The following IARS2 variants were observed in gnomAD, a reference collection of about 807,000 sequenced individuals.
The protein encoded by IARS2 is isoleucyl-tRNA synthetase 2, mitochondrial, also known as isoleucine--tRNA ligase, mitochondrial.
In IARS2, 56 loss-of-function variants were observed where a neutral mutation model predicts 126.3. The observed-to-expected ratio is 0.44, with a 90% CI of 0.36 to 0.55. The LOEUF is 0.55. Among genes scored for constraint, IARS2 ranks in the 20% least tolerant of loss-of-function variants. The probability of loss-of-function intolerance (pLI) is 0.00; values close to 1 mark genes in which losing one functional copy is unlikely to be tolerated. For synonymous variants in IARS2, 407 were observed against 441.1 expected, an observed-to-expected ratio of 0.92 and a Z score of 0.97; for missense variants, 1,127 against 1,245.9, an observed-to-expected ratio of 0.90 and a Z score of 1.44.
intron 20 of IARS2, among the ~76,000 whole-genome samples, 175 bp from the exon 21 acceptor site, chr1:220,142,769 C>G (rs955245289): frequency 6.6e-6 from 1 of 151,818 alleles, no homozygotes; most frequent in African/African-American, 2.4e-5. Context: ...CAAAGATTTT[C>G]CAATGCTGAT....
intron 17 of IARS2, among the ~76,000 whole-genome samples, chr1:220,138,363 C>T (rs763962193): frequency 2.0e-5 from 3 of 152,078 alleles, no homozygotes; most frequent in Admixed American, 6.5e-5. Context: ...CCCAGCTGTT[C>T]GGGAGGCTGA....
At position 220,094,202 on chromosome 1, in the gene IARS2, AG is replaced by A. The variant is rs1656385939; in HGVS notation, c.-11del. ...GGCGGGAGCGGAGGACCCCGCTCTC[AG>A]GGGTTGCCGGACCATGCGTTGGGGG... is the stretch of plus-strand genomic sequence containing the variant. On this transcript the variant is annotated 5_prime_UTR_variant, in exon 1 of 23. Transcript: ENST00000366922. The A allele has an allele frequency of 6.5e-7, 1 of 1,544,612 alleles. No individual in the cohort carries two copies. Among genetic ancestry groups the A allele is most frequent in the Non-Finnish European group, 8.7e-7 (1 of 1,148,988 alleles).
chr1:220,107,962 G>A (rs1424441975), intron 10 of IARS2, among the ~76,000 whole-genome samples: 1 of 152,156 alleles, frequency 6.6e-6, no homozygotes, highest in African/African-American at 2.4e-5. Flanking sequence ...GCAGTGGCAT[G>A]CTTTCAGCTC....
intron 10 of IARS2, among the ~76,000 whole-genome samples, chr1:220,110,125 G>C (rs922985503): frequency 6.6e-6 from 1 of 151,584 alleles, no homozygotes; most frequent in Non-Finnish European, 1.5e-5. Context: ...CACAATCTCG[G>C]TTCACTACAG....
At chr1:220,131,246 G>A (rs543693327) in intron 14 of IARS2, among the ~76,000 whole-genome samples, 14 of 152,010 alleles carry the variant, frequency 9.2e-5, no homozygotes, top group African/African-American at 3.4e-4. Context: ...GCACAGTCTC[G>A]GCTCACTGCA....
At chr1:220,139,293 T>C (rs1470663645) in intron 18 of IARS2, among the ~76,000 whole-genome samples, 154 bp downstream of exon 18, 1 of 152,180 alleles carries the variant, frequency 6.6e-6, no homozygotes, top group Non-Finnish European at 1.5e-5. Flanking sequence ...TCGGACCAGA[T>C]TTTTCTCTCA....
At position 220,094,151 on chromosome 1, in the gene IARS2, C is replaced by G; in HGVS notation, c.-66C>G. 2 of 1,267,272 alleles carry G rather than the reference C, an allele frequency of 1.6e-6. No homozygotes were observed. The highest frequency in any genetic ancestry group is 3.0e-5 in the South Asian group (2 of 67,300). 78.5% of individuals were successfully genotyped at this position (1,267,272 alleles called of 1,614,324 possible). ...CCTCTTACTCGGCTCCCCTTGGTTT[C>G]CTGGGGTCCTGCCCCTTCAAGCTGG... is the stretch of plus-strand genomic sequence containing the variant. On this transcript the variant is annotated 5_prime_UTR_variant, in exon 1 of 23. Transcript: ENST00000366922.
At chr1:220,140,400 G>A (rs997121355) in intron 19 of IARS2, 111 bp downstream of exon 19, 4 of 654,092 alleles carry the variant, frequency 6.1e-6, no homozygotes, top group African/African-American at 1.9e-5. Flanking sequence ...GAGGCCAGGA[G>A]TTCGAGACCA....
Position 220,145,661 on chromosome 1 carries a change from G to A in IARS2, c.2896+8G>A. ...TCCTCATCAACTTAGAAGGTAAGAA[G>A]GAGATGAAAGTAACAAGTAACATCT... On this transcript the variant is annotated splice_region_variant and intron_variant, in intron 22 of 22. Transcript: ENST00000366922. The A allele has an allele frequency of 6.2e-7, 1 of 1,605,814 alleles. No homozygotes were observed. The highest frequency in any genetic ancestry group is 1.7e-4 in the Middle Eastern group (1 of 5,974).
chr1:220,138,080 G>A, intron 17 of IARS2, 37 bp downstream of exon 17: 1 of 1,596,458 alleles, frequency 6.3e-7, no homozygotes, highest in Non-Finnish European at 8.6e-7. Context: ...TAAAGGACAA[G>A]TTTGTCAAAT....
Position 220,134,292 on chromosome 1 carries a change from A to G in IARS2, c.1838-110A>G, listed in dbSNP as rs1657324673. ...GGCATCTGTCAGTTTTCTCTATTGT[A>G]AAGTTACTTCCCTTCCTCCCCACTA... is the stretch of plus-strand genomic sequence containing the variant. On this transcript the variant is annotated intron_variant, in intron 14 of 22. Transcript: ENST00000366922. The G allele has an allele frequency of 5.5e-6, 4 of 723,490 alleles. No homozygotes were observed. In the South Asian group the frequency reaches 6.5e-5, roughly 12 times the overall value. 44.8% of individuals were successfully genotyped at this position (723,490 alleles called of 1,614,324 possible). A position where few individuals can be genotyped will look rare whatever the true frequency, so the allele number is the denominator to read the frequency against.
In IARS2 at chr1:220,118,247, A is replaced by G. The variant is rs974629080; in HGVS notation, c.1640+3773A>G. On this transcript the variant is annotated intron_variant, in intron 12 of 22. Transcript: ENST00000366922. Reference sequence around the variant, plus strand: ...GTTACACTTGATAACACCATTAAACATATAAGGAGATTCCTTTTGCTCATC... The same window carrying G: ...GTTACACTTGATAACACCATTAAACGTATAAGGAGATTCCTTTTGCTCATC... The G allele has an allele frequency of 8.5e-6, 4 of 469,244 alleles. 1 individual carries two copies. The highest frequency in any genetic ancestry group is 4.9e-5 in the South Asian group (3 of 60,636). 29.1% of individuals were successfully genotyped at this position (469,244 alleles called of 1,614,324 possible).
chr1:220,138,024 C>A lies in IARS2; in HGVS notation c.2156C>A (p.Ala719Asp), dbSNP rs1288357447. The A allele has an allele frequency of 6.2e-7, 1 of 1,613,788 alleles. No individual in the cohort carries two copies. Among genetic ancestry groups the A allele is most frequent in the African/African-American group, 1.3e-5 (1 of 74,836 alleles). ...VAIGPSVLNA[A>D]RDDISKLRNT... Reference sequence around the variant, plus strand: ...ATTGGCCCATCCGTGCTCAATGCTGCCAGAGATGATATTAGCAAGGTTAGA... The same window carrying A: ...ATTGGCCCATCCGTGCTCAATGCTGACAGAGATGATATTAGCAAGGTTAGA... Residue 719 changes from alanine to aspartate, a missense_variant, in exon 17 of 23, where the codon GCC (alanine) becomes GAC (aspartate). Physicochemically the swap from Ala to Asp is moderately radical, Grantham distance 126. Coordinates refer to ENST00000366922, the MANE Select transcript of IARS2 (RefSeq NM_018060.4).
intron 11 of IARS2, among the ~76,000 whole-genome samples, chr1:220,111,582 A>G (rs1571849851): frequency 7.2e-6 from 1 of 138,956 alleles, no homozygotes; most frequent in Admixed American, 7.3e-5. Context: ...ATGGGTATAT[A>G]TATATATATA....
rs1018281064 is a variant in IARS2 at position 220,134,702 on chromosome 1, CTT to C, written c.1946+194_1946+195del. ...TGTGAGTGTGATGCAGATCATAACTCTTTGAAGAAAAAGTCAGCATTGACTGG... is the reference window on the plus strand; with the variant it reads ...TGTGAGTGTGATGCAGATCATAACTCTGAAGAAAAAGTCAGCATTGACTGG... On this transcript the variant is annotated intron_variant, in intron 15 of 22. Coordinates refer to ENST00000366922, the MANE Select transcript of IARS2 (RefSeq NM_018060.4). The C allele has an allele frequency of 8.9e-5, 32 of 360,100 alleles. 1 individual carries two copies. Among genetic ancestry groups the C allele is most frequent in the African/African-American group, 5.9e-4 (28 of 47,258 alleles). 22.3% of individuals were successfully genotyped at this position (360,100 alleles called of 1,614,324 possible).
At chr1:220,133,807 A>G (rs1041986496) in intron 14 of IARS2, among the ~76,000 whole-genome samples, 7 of 152,150 alleles carry the variant, frequency 4.6e-5, no homozygotes, top group African/African-American at 1.7e-4. Flanking sequence ...TGCATCTTTT[A>G]TCTCAATATT....
chr1:220,100,411 T>C, intron 2 of IARS2, 79 bp from the exon 3 acceptor site: 2 of 1,198,140 alleles, frequency 1.7e-6, no homozygotes, highest in Non-Finnish European at 2.3e-6. Context: ...ATGCTAATTA[T>C]CATTTTATCT....
chr1:220,143,230 T>C (rs920838136), intron 21 of IARS2, 96 bp downstream of exon 21: 10 of 751,234 alleles, frequency 1.3e-5, no homozygotes, highest in Middle Eastern at 2.7e-4. Context: ...TCAAATAACA[T>C]TGGGTTATGT....
At chr1:220,132,537 T>G (rs1048750737) in intron 14 of IARS2, among the ~76,000 whole-genome samples, 4 of 150,222 alleles carry the variant, frequency 2.7e-5, no homozygotes, top group Non-Finnish European at 5.9e-5. Flanking sequence ...TTTTTTTTTT[T>G]TTTTTTGAGA....
Sources: allele counts gnomAD v4.1 joint callset (sites outside exome capture counted in the v4.1 genomes callset), GRCh38; gene constraint gnomAD v4.1.1; transcripts MANE v1.5; gene names NCBI Gene and HGNC (gene_info 2026-07-23, HGNC 2026-07-21).